DACH2: variants seen among roughly 807,000 people sequenced by gnomAD.
The protein encoded by DACH2 is dachshund homolog 2.
Under a neutral mutation model 35.8 loss-of-function variants are expected in DACH2, and 17 were observed. The observed-to-expected ratio is 0.48, with a 90% CI of 0.33 to 0.71. The LOEUF (loss-of-function observed/expected upper bound fraction) is 0.71. Ranked by LOEUF, DACH2 falls within the 30% of genes least tolerant of loss-of-function variation. The probability of loss-of-function intolerance (pLI) is 0.02; values close to 1 mark genes in which losing one functional copy is unlikely to be tolerated. For missense variants in DACH2, 469 were observed against 472.7 expected (o/e 0.99, Z 0.07); for synonymous variants, 195 against 177.3 (o/e 1.10, Z -0.79).
chrX:86,307,331 C>T (rs1175127331), intron 1 of DACH2, among the ~76,000 whole-genome samples: 1 of 111,729 alleles, frequency 9.0e-6, no homozygotes, highest in Non-Finnish European at 1.9e-5. Context: ...AGTGGTTGAC[C>T]TGCAATGAAA....
intron 1 of DACH2, among the ~76,000 whole-genome samples, chrX:86,245,224 AC>A (rs2147945857): frequency 9.1e-6 from 1 of 109,979 alleles, no homozygotes; most frequent in South Asian, 3.9e-4. Flanking sequence ...AATGTACCCC[AC>A]CCCGCCACTG....
At chrX:86,454,728 C>T (rs752228663) in intron 2 of DACH2, among the ~76,000 whole-genome samples, 5 of 111,754 alleles carry the variant, frequency 4.5e-5, no homozygotes, top group South Asian at 3.8e-4. Flanking sequence ...GCTCCTTTAG[C>T]GCGGTGAAGT....
intron 7 of DACH2, among the ~76,000 whole-genome samples, chrX:86,763,620 T>A (rs2041904599): frequency 9.0e-6 from 1 of 110,678 alleles, no homozygotes; most frequent in African/African-American, 3.3e-5. Context: ...CGCCCGGCTG[T>A]TTTTTGTATT....
intron 1 of DACH2, among the ~76,000 whole-genome samples, chrX:86,185,720 A>G (rs1205998991): frequency 1.8e-5 from 2 of 111,775 alleles, no homozygotes; most frequent in Admixed American, 1.9e-4. Context: ...TGATTCATAT[A>G]TAATGGTTAC....
At chrX:86,609,400 A>G (rs2039900388) in intron 3 of DACH2, among the ~76,000 whole-genome samples, 1 of 112,187 alleles carries the variant, frequency 8.9e-6, no homozygotes, top group African/African-American at 3.2e-5. Context: ...TGTTTCTTCA[A>G]TACAACTATT....
chrX:86,398,258 A>G (rs1227541478), intron 2 of DACH2, among the ~76,000 whole-genome samples: 70 of 111,703 alleles, frequency 6.3e-4, no homozygotes, highest in African/African-American at 2.1e-3. Context: ...TTTTTATTGC[A>G]TCTATTTGAT....
At chrX:86,238,965 G>A (rs1415768248) in intron 1 of DACH2, among the ~76,000 whole-genome samples, 2 of 111,033 alleles carry the variant, frequency 1.8e-5, no homozygotes, top group Non-Finnish European at 3.8e-5. Flanking sequence ...GTATATTTAT[G>A]AGGATTAATG....
chrX:86,745,987 A>G (rs1481034930), intron 7 of DACH2, among the ~76,000 whole-genome samples: 1 of 111,543 alleles, frequency 9.0e-6, no homozygotes, highest in Non-Finnish European at 1.9e-5. Context: ...CTAATGATCA[A>G]TGATATTGAA....
chrX:86,252,945 G>A (rs1013020564), intron 1 of DACH2, among the ~76,000 whole-genome samples: 15 of 110,757 alleles, frequency 1.4e-4, no homozygotes, highest in African/African-American at 4.6e-4. Flanking sequence ...GAAATAAAGG[G>A]CATCCAAATC....
chrX:86,345,446 G>C (rs981821509), intron 1 of DACH2: 4 of 292,460 alleles, frequency 1.4e-5, no homozygotes, highest in African/African-American at 8.3e-5. Flanking sequence ...AGGAAAGGAA[G>C]GAAAGATTGT....
At chrX:86,497,375 T>G (rs1421533485) in intron 2 of DACH2, among the ~76,000 whole-genome samples, 2 of 111,938 alleles carry the variant, frequency 1.8e-5, no homozygotes, top group African/African-American at 3.3e-5. Flanking sequence ...AGCTAATCCA[T>G]GTCTGGGAAG....
At chrX:86,747,955 G>T (rs1330429205) in intron 7 of DACH2, among the ~76,000 whole-genome samples, 1 of 111,996 alleles carries the variant, frequency 8.9e-6, no homozygotes, top group Non-Finnish European at 1.9e-5. Context: ...ATACTTTGTT[G>T]TCATTTCAAC....
intron 3 of DACH2, among the ~76,000 whole-genome samples, chrX:86,596,346 C>G (rs73245366): frequency 0.019 from 2,142 of 111,339 alleles, 16 homozygotes; most frequent in Middle Eastern, 0.042. Context: ...TTCTTACCAG[C>G]AATGTATATG....
intron 2 of DACH2, among the ~76,000 whole-genome samples, chrX:86,434,095 A>G (rs67251241): frequency 8.9e-6 from 1 of 112,313 alleles, no homozygotes; most frequent in South Asian, 3.7e-4. Context: ...AGAGAAAAAA[A>G]CATACTTTTT....
At chrX:86,730,744 T>C (rs186638529) in intron 6 of DACH2, among the ~76,000 whole-genome samples, 83 of 111,845 alleles carry the variant, frequency 7.4e-4, no homozygotes, top group Non-Finnish European at 6.6e-4. Context: ...TTTGAAAACA[T>C]AGTGGAGTTT....
intron 7 of DACH2, among the ~76,000 whole-genome samples, chrX:86,750,142 G>A (rs1047420817): frequency 6.3e-5 from 7 of 110,994 alleles, no homozygotes; most frequent in African/African-American, 2.3e-4. Flanking sequence ...GAATAGACAT[G>A]GTGAGAGTGA....
intron 6 of DACH2, among the ~76,000 whole-genome samples, chrX:86,739,094 G>A (rs946751432): frequency 5.4e-5 from 6 of 110,732 alleles, no homozygotes; most frequent in Admixed American, 9.7e-5. Flanking sequence ...GGCTGATATC[G>A]AACTCCTGAC....
intron 2 of DACH2, among the ~76,000 whole-genome samples, chrX:86,408,526 G>A (rs745313910): frequency 6.3e-5 from 7 of 111,909 alleles, no homozygotes; most frequent in Non-Finnish European, 1.1e-4. Context: ...CATAAATAAT[G>A]TCTTTTACAC....
intron 1 of DACH2, among the ~76,000 whole-genome samples, chrX:86,303,600 T>C (rs2034618018): frequency 9.0e-6 from 1 of 110,562 alleles, no homozygotes; most frequent in Admixed American, 9.8e-5. Flanking sequence ...CCAGATGACT[T>C]TTAATATTTC....
Sources: allele counts gnomAD v4.1 joint callset (sites outside exome capture counted in the v4.1 genomes callset), GRCh38; gene constraint gnomAD v4.1.1; transcripts MANE v1.5; gene names NCBI Gene and HGNC (gene_info 2026-07-23, HGNC 2026-07-21).